The following ADARB2 variants were observed in gnomAD, a reference collection of about 807,000 sequenced individuals.
ADARB2 encodes the protein adenosine deaminase RNA specific B2 (inactive), also known as inactive double-stranded RNA-specific editase B2.
In ADARB2, 25 loss-of-function variants were observed where a neutral mutation model predicts 62.2. The observed-to-expected ratio is 0.40, with a 90% confidence interval of 0.29 to 0.56. The LOEUF (loss-of-function observed/expected upper bound fraction) is 0.56, where lower values mean the gene tolerates loss of function less well. Among genes scored for constraint, ADARB2 ranks in the 20% least tolerant of loss-of-function variants. The pLI is 0.43. For synonymous variants in ADARB2, 572 were observed against 500.8 expected (o/e 1.14, Z -1.90); for missense variants, 1,071 against 1,077.4 (o/e 0.99, Z 0.08).
At chr10:1,542,613 T>C (rs868428409) in intron 1 of ADARB2, among the ~76,000 whole-genome samples, 1 of 32,382 alleles carries the variant, frequency 3.1e-5, no homozygotes, top group African/African-American at 9.0e-5. Flanking sequence ...GTTCGGACCC[T>C]GGATCACAGC....
chr10:1,231,027 G>A (rs1157914212), intron 6 of ADARB2, among the ~76,000 whole-genome samples: 2 of 152,152 alleles, frequency 1.3e-5, no homozygotes, highest in African/African-American at 4.8e-5. Flanking sequence ...AGTGAGGGCT[G>A]GCTGGAGAGG....
intron 1 of ADARB2, among the ~76,000 whole-genome samples, chr10:1,428,256 A>G (rs1221948399): frequency 6.7e-6 from 1 of 149,998 alleles, no homozygotes; most frequent in Non-Finnish European, 1.5e-5. Context: ...TATAGGAGTG[A>G]GCCACCACAC....
chr10:1,604,384 C>T lies in ADARB2; in HGVS notation c.100+132667G>A, dbSNP rs139803688. On this transcript the variant is annotated intron_variant, in intron 1 of 9. Coordinates refer to ENST00000381312, the MANE Select transcript of ADARB2 (RefSeq NM_018702.4). Reference sequence around the variant, plus strand: ...TTCTAGAAGAAACTGATGTTGAAGGCGTGGGTGTGGCTTCCCTGTGATCTC... The same window carrying T: ...TTCTAGAAGAAACTGATGTTGAAGGTGTGGGTGTGGCTTCCCTGTGATCTC... Among the ~76,000 whole-genome samples, 195 of 152,192 alleles carry T rather than the reference C, an allele frequency of 1.3e-3. 1 individual carries two copies. The highest frequency in any genetic ancestry group is 4.4e-3 in the African/African-American group (183 of 41,504).
At chr10:1,574,138 C>T (rs889423173) in intron 1 of ADARB2, among the ~76,000 whole-genome samples, 15 of 152,186 alleles carry the variant, frequency 9.9e-5, no homozygotes, top group African/African-American at 2.9e-4. Flanking sequence ...TCCCTCCCGC[C>T]TCCCAGCTGA....
intron 4 of ADARB2, among the ~76,000 whole-genome samples, chr10:1,243,310 G>A (rs772426487): frequency 1.4e-4 from 22 of 152,260 alleles, no homozygotes; most frequent in Non-Finnish European, 2.9e-4. Flanking sequence ...CACGTCCACA[G>A]AGTTACCTGT....
intron 3 of ADARB2, among the ~76,000 whole-genome samples, chr10:1,271,687 CAT>C (rs1476835182): frequency 1.3e-5 from 2 of 152,238 alleles, no homozygotes; most frequent in Non-Finnish European, 2.9e-5. Context: ...CACCCCTTAA[CAT>C]AATCTGATTA....
At chr10:1,296,844 C>G (rs1831527741) in intron 3 of ADARB2, among the ~76,000 whole-genome samples, 1 of 152,156 alleles carries the variant, frequency 6.6e-6, no homozygotes, top group African/African-American at 2.4e-5. Flanking sequence ...CTTTCTCCTT[C>G]CTTACTGCCA....
intron 1 of ADARB2, among the ~76,000 whole-genome samples, chr10:1,380,220 C>T (rs76131883): frequency 0.018 from 2,796 of 152,316 alleles, 39 homozygotes; most frequent in Middle Eastern, 0.037. Context: ...ATTAAGACGC[C>T]CCAGGTGGAA....
chr10:1,196,317 A>T (rs916832479), intron 8 of ADARB2, among the ~76,000 whole-genome samples: 1 of 142,792 alleles, frequency 7.0e-6, no homozygotes, highest in African/African-American at 2.6e-5. Context: ...TCACTGCTCT[A>T]TTCTCAATGT....
At chr10:1,264,282 A>G (rs1831172203) in intron 4 of ADARB2, among the ~76,000 whole-genome samples, 1 of 152,230 alleles carries the variant, frequency 6.6e-6, no homozygotes, top group African/African-American at 2.4e-5. Context: ...ATGCAAATAA[A>G]AAGACCTTGC....
intron 7 of ADARB2, among the ~76,000 whole-genome samples, chr10:1,206,286 C>G (rs548674071): frequency 6.6e-6 from 1 of 152,168 alleles, no homozygotes; most frequent in African/African-American, 2.4e-5. Context: ...GCTACCTGCG[C>G]GGGGGCCACG....
chr10:1,216,941 T>C lies in ADARB2; in HGVS notation c.1682+10A>G, dbSNP rs983041807. 47 of 1,604,310 alleles carry C rather than the reference T, an allele frequency of 2.9e-5. No homozygotes were observed. Among genetic ancestry groups the C allele is most frequent in the Non-Finnish European group, 4.0e-5 (47 of 1,179,140 alleles). ...AGCCAACATCCTCGAGAGGAAGCCGTGGGCCTCACCTGGCGATCTTGTCCG... is the reference window on the plus strand; with the variant it reads ...AGCCAACATCCTCGAGAGGAAGCCGCGGGCCTCACCTGGCGATCTTGTCCG... On this transcript the variant is annotated intron_variant, in intron 7 of 9. Coordinates refer to ENST00000381312, the MANE Select transcript of ADARB2 (RefSeq NM_018702.4).
At chr10:1,664,474 C>T (rs922356642) in intron 1 of ADARB2, among the ~76,000 whole-genome samples, 3 of 152,212 alleles carry the variant, frequency 2.0e-5, no homozygotes, top group African/African-American at 4.8e-5. Flanking sequence ...CCTGACCTAA[C>T]GACCCACAAA....
chr10:1,297,526 A>T (rs1024293486), intron 3 of ADARB2, among the ~76,000 whole-genome samples: 1 of 152,000 alleles, frequency 6.6e-6, no homozygotes, highest in African/African-American at 2.4e-5. Flanking sequence ...GGCCGTTCAG[A>T]CCCCGAAGAG....
intron 1 of ADARB2, among the ~76,000 whole-genome samples, chr10:1,438,078 A>C (rs1830854411): frequency 6.6e-6 from 1 of 152,194 alleles, no homozygotes; most frequent in Non-Finnish European, 1.5e-5. Context: ...GTGGGCAGAC[A>C]AAGGCCCTGA....
At chr10:1,235,070 A>AT (rs1431428556) in intron 5 of ADARB2, among the ~76,000 whole-genome samples, 2 of 151,854 alleles carry the variant, frequency 1.3e-5, no homozygotes, top group Admixed American at 6.6e-5. Context: ...TTACCAAGCC[A>AT]TTTTTTCCCA....
At chr10:1,508,270 C>T (rs188861647) in intron 1 of ADARB2, among the ~76,000 whole-genome samples, 13 of 152,296 alleles carry the variant, frequency 8.5e-5, no homozygotes, top group Admixed American at 2.6e-4. Flanking sequence ...CCTCAATGGA[C>T]GTCAGTGCTG....
chr10:1,633,561 T>TATCTATCTATCTA (rs1484704505), intron 1 of ADARB2, among the ~76,000 whole-genome samples: 4 of 136,012 alleles, frequency 2.9e-5, no homozygotes, highest in Admixed American at 7.4e-5. Flanking sequence ...TCTATCTATC[T>TATCTATCTATCTA]ATCTATCTAT....
chr10:1,673,248 C>T (rs1834414748), intron 1 of ADARB2, among the ~76,000 whole-genome samples: 1 of 151,600 alleles, frequency 6.6e-6, no homozygotes, highest in African/African-American at 2.4e-5. Context: ...AGTGAATATA[C>T]ATGTATATGT....
Sources: gnomAD v4.1 joint callset for allele counts (sites outside exome capture counted in the v4.1 genomes callset) on GRCh38, gnomAD v4.1.1 for gene constraint, MANE v1.5 for transcripts, NCBI Gene and HGNC (gene_info 2026-07-23, HGNC 2026-07-21) for gene names.